BRD8: variants seen among roughly 807,000 people sequenced by gnomAD.
The protein encoded by BRD8 is bromodomain containing 8.
In BRD8, 67 loss-of-function variants were observed where a neutral mutation model predicts 143.1. The ratio of observed to expected loss-of-function variants is 0.47; its 90% confidence interval spans 0.38 to 0.57. The LOEUF (loss-of-function observed/expected upper bound fraction) is 0.57, where lower values mean the gene tolerates loss of function less well. Among genes scored for constraint, BRD8 ranks in the 20% least tolerant of loss-of-function variants. BRD8 has a pLI of 0.00. For missense variants in BRD8, 1,103 were observed against 1,503.0 expected (o/e 0.73, Z 4.40); for synonymous variants, 505 against 517.1 (o/e 0.98, Z 0.32).
chr5:138,162,277 CA>C, intron 15 of BRD8, 131 bp from the exon 16 acceptor site: 1 of 662,670 alleles, frequency 1.5e-6, no homozygotes, highest in Non-Finnish European at 2.5e-6. Context: ...ATGTTCATTG[CA>C]CCCTCAACCT....
chr5:138,178,538 T>G (rs1298256862), intron 1 of BRD8, 58 bp downstream of exon 1: 1 of 1,517,776 alleles, frequency 6.6e-7, no homozygotes, highest in Non-Finnish European at 9.2e-7. Context: ...AACAAAAATA[T>G]GGTGCCTAGC....
At position 138,152,680 on chromosome 5, in the gene BRD8, G is replaced by A. The variant is rs1752420106; in HGVS notation, c.2658C>T (p.Leu886=). ...CCAGACTGGAGTCCCATGAGCTGAA[G>A]AGGGACCTGCAGTCATTGCTCAACT... The part of the protein sequence containing the change: ...DSELSNDCRS[L]FSSWDSSLDL... The change falls in exon 21 of 27, where the codon CTC becomes CTT. Residue 886 remains leucine (L), a synonymous_variant. Coordinates refer to ENST00000254900, the MANE Select transcript of BRD8 (RefSeq NM_139199.2). 1.2e-6 allele frequency: 2 copies of A among 1,614,076 alleles called. No homozygotes were observed. The highest frequency in any genetic ancestry group is 1.7e-6 in the Non-Finnish European group (2 of 1,180,056).
chr5:138,170,566 C>G, intron 6 of BRD8, 157 bp from the exon 7 acceptor site: 1 of 842,504 alleles, frequency 1.2e-6, no homozygotes, highest in South Asian at 1.3e-5. Context: ...TTGGGGTATA[C>G]TGCCTAACTC....
chr5:138,152,001 C>G (rs1752391178), intron 21 of BRD8, among the ~76,000 whole-genome samples: 1 of 151,854 alleles, frequency 6.6e-6, no homozygotes, highest in East Asian at 1.9e-4. Flanking sequence ...ATTACAGGCG[C>G]CCGCCACCAC....
rs1434249183 is a variant in BRD8 at position 138,164,144 on chromosome 5, G to A, written c.1826-11C>T. The A allele has an allele frequency of 2.5e-6, 4 of 1,613,736 alleles. No individual in the cohort carries two copies. The highest frequency in any genetic ancestry group is 1.3e-5 in the African/African-American group (1 of 74,908). ...CTTCTTTCAATGAGTCTGCAGAGGA[G>A]AGAAAGACTACCTGAAGATTTTTCC... On this transcript the variant is annotated splice_polypyrimidine_tract_variant and intron_variant, in intron 13 of 26. Transcript: ENST00000254900.
At chr5:138,166,173 C>T (rs576672321) in intron 10 of BRD8, 65 bp from the exon 11 acceptor site, 1 of 1,104,036 alleles carries the variant, frequency 9.1e-7, no homozygotes, top group African/African-American at 1.5e-5. Flanking sequence ...ACCTTGAGAT[C>T]ACATAAGCGC....
chr5:138,167,925 G>C lies in BRD8; in HGVS notation c.787+9C>G. On this transcript the variant is annotated intron_variant, in intron 9 of 26. Coordinates refer to ENST00000254900, the MANE Select transcript of BRD8 (RefSeq NM_139199.2). ...CTTTGAGGTTGATAAAGGAAAAGTG[G>C]TAACTTACCTGATGCAGCAGGGGAG... 6.2e-7 allele frequency: 1 copy of C among 1,612,920 alleles called. No homozygotes were observed. The highest frequency in any genetic ancestry group is 1.1e-5 in the South Asian group (1 of 91,062).
At chr5:138,147,920 AGAGT>A (rs950639956) in intron 23 of BRD8, among the ~76,000 whole-genome samples, 5 of 152,048 alleles carry the variant, frequency 3.3e-5, no homozygotes, top group African/African-American at 1.2e-4. Context: ...CTTGGGCAAC[AGAGT>A]GAGATCCTAT....
intron 21 of BRD8, among the ~76,000 whole-genome samples, chr5:138,151,750 G>A (rs990638695): frequency 6.6e-6 from 1 of 152,192 alleles, no homozygotes; most frequent in Non-Finnish European, 1.5e-5. Context: ...TGCAACTTCC[G>A]CCTCCCGGGT....
chr5:138,145,612 G>T (rs1209454160), intron 24 of BRD8, among the ~76,000 whole-genome samples, 177 bp downstream of exon 24: 1 of 152,220 alleles, frequency 6.6e-6, no homozygotes, highest in Non-Finnish European at 1.5e-5. Context: ...ACTATTTCTT[G>T]TACAGACTTG....
intron 21 of BRD8, among the ~76,000 whole-genome samples, chr5:138,151,652 TA>T (rs35724202): frequency 0.29 from 43,449 of 152,028 alleles, 7,344 homozygotes; most frequent in South Asian, 0.42. Context: ...AAAAAGCATG[TA>T]TTTTTTTATT....
intron 1 of BRD8, 132 bp downstream of exon 1, chr5:138,178,464 G>C: frequency 1.2e-6 from 1 of 860,146 alleles, no homozygotes; most frequent in Non-Finnish European, 2.0e-6. Flanking sequence ...CGATGCTGTA[G>C]AGCGCAGGTC....
Position 138,165,021 on chromosome 5 carries a change from G to A in BRD8, c.1424C>T (p.Ala475Val). Residue 475 changes from alanine to valine, a missense_variant, in exon 12 of 27, where the codon GCA becomes GTA. Transcript: ENST00000254900. ...QERDKPVPLP[A>V]PEMTVKQERL... The stretch of plus-strand genomic sequence containing the variant: ...CTCTTGCTTGACCGTCATTTCTGGT[G>A]CAGGGAGAGGTACTGGCTTGTCCCG... 1 of 1,614,136 alleles carries A rather than the reference G, an allele frequency of 6.2e-7. No homozygotes were observed. Among genetic ancestry groups the A allele is most frequent in the Non-Finnish European group, 8.5e-7 (1 of 1,180,014 alleles).
At chr5:138,146,582 C>G (rs1486350511) in intron 23 of BRD8, among the ~76,000 whole-genome samples, 1 of 152,168 alleles carries the variant, frequency 6.6e-6, no homozygotes, top group Admixed American at 6.5e-5. Flanking sequence ...TGGATATCTA[C>G]TGCTTTCTAA....
At chr5:138,178,508 C>T (rs891219015) in intron 1 of BRD8, 88 bp downstream of exon 1, 6 of 1,245,218 alleles carry the variant, frequency 4.8e-6, no homozygotes, top group African/African-American at 4.4e-5. Context: ...CAACCCACTT[C>T]TCCCACTCCC....
chr5:138,166,500 G>A lies in BRD8; in HGVS notation c.997+18C>T. On this transcript the variant is annotated intron_variant, in intron 10 of 26. Transcript: ENST00000254900. ...CTCAAAATGAAATTTTAGATCTAGTGGCTGCTCAGGGACGCACCTGGAGCT... is the reference window on the plus strand; with the variant it reads ...CTCAAAATGAAATTTTAGATCTAGTAGCTGCTCAGGGACGCACCTGGAGCT... The A allele has an allele frequency of 6.5e-7, 1 of 1,543,508 alleles. No homozygotes were observed. Among genetic ancestry groups the A allele is most frequent in the Non-Finnish European group, 8.8e-7 (1 of 1,140,634 alleles).
At chr5:138,166,418 A>T (rs960409830) in intron 10 of BRD8, 100 bp downstream of exon 10, 2 of 713,068 alleles carry the variant, frequency 2.8e-6, no homozygotes, top group Admixed American at 5.8e-5. Flanking sequence ...TATGTAGAAC[A>T]GAGAAGAAGC....
chr5:138,158,265 G>C (rs1054189769), intron 20 of BRD8, among the ~76,000 whole-genome samples: 3 of 152,290 alleles, frequency 2.0e-5, no homozygotes, highest in Middle Eastern at 3.4e-3. Context: ...TTAAGACCAT[G>C]TAGTTTTCTA....
At position 138,164,383 on chromosome 5, in the gene BRD8, G is replaced by A; in HGVS notation, c.1762C>T (p.His588Tyr). The A allele has an allele frequency of 6.2e-7, 1 of 1,614,162 alleles. No individual in the cohort carries two copies. The highest frequency in any genetic ancestry group is 8.5e-7 in the Non-Finnish European group (1 of 1,180,004). The change falls in exon 13 of 27, where the codon CAT becomes TAT. Residue 588 changes from histidine to tyrosine, a missense_variant. By Grantham distance (83) the His-to-Tyr change is moderately conservative. Around this residue, in one of 7 missense-constraint regions of BRD8, gnomAD observed 139 missense variants for 139.0 expected, o/e 1.00. Coordinates refer to ENST00000254900, the MANE Select transcript of BRD8 (RefSeq NM_139199.2). ...GGATCTTCAATGGGATTTGAGCCATGTGATGGAGACAACATGCTTTCAGGG... is the reference window on the plus strand; with the variant it reads ...GGATCTTCAATGGGATTTGAGCCATATGATGGAGACAACATGCTTTCAGGG... ...ASPESMLSPS[H>Y]GSNPIEDPLE...
Sources: gnomAD v4.1 joint callset for allele counts (sites outside exome capture counted in the v4.1 genomes callset) on GRCh38, gnomAD v4.1.1 for gene constraint, gnomAD v4.1.1 regional missense constraint, MANE v1.5 for transcripts, NCBI Gene and HGNC (gene_info 2026-07-23, HGNC 2026-07-21) for gene names.